Variants in SUZ12 observed in about 807,000 individuals in gnomAD.
SUZ12 encodes SUZ12 polycomb repressive complex 2 subunit, also known as polycomb protein SUZ12.
Under a neutral mutation model 87.3 loss-of-function variants are expected in SUZ12, and 17 were observed. The ratio of observed to expected loss-of-function variants is 0.19; its 90% CI spans 0.13 to 0.29. The LOEUF is 0.29. Ranked by LOEUF, SUZ12 falls within the 10% of genes least tolerant of loss-of-function variation. The pLI is 1.00. For missense variants in SUZ12, 526 were observed against 912.2 expected (o/e 0.58, Z 5.45); for synonymous variants, 253 against 312.4 (o/e 0.81, Z 2.01).
chr17:31,972,542 G>A (rs985990080), intron 5 of SUZ12, among the ~76,000 whole-genome samples: 1 of 151,976 alleles, frequency 6.6e-6, no homozygotes, highest in African/African-American at 2.4e-5. Context: ...CTCTGAGGTA[G>A]CTAGGACTAC....
rs929043124 is a variant in SUZ12 at position 31,937,229 on chromosome 17, G to A, written c.-18G>A. 4.1e-5 allele frequency: 57 copies of A among 1,400,828 alleles called. No individual in the cohort carries two copies. The highest frequency in any genetic ancestry group is 2.6e-4 in the Middle Eastern group (1 of 3,906). The allele number at this position is 1,400,828 out of a possible 1,614,324, so 86.8% of individuals were successfully genotyped here. A position where few individuals can be genotyped will look rare whatever the true frequency, so the allele number is the denominator to read the frequency against. On this transcript the variant is annotated 5_prime_UTR_variant, in exon 1 of 16. Transcript: ENST00000322652. ...CCGCCCGGCGGGTAGCTGGCGGGGG[G>A]AGGAGGCAGGAACCGCGATGGCGCC...
At chr17:31,942,707 A>G (rs1906379660) in intron 3 of SUZ12, among the ~76,000 whole-genome samples, 1 of 152,194 alleles carries the variant, frequency 6.6e-6, no homozygotes, top group South Asian at 2.1e-4. Context: ...AAAACAATGA[A>G]GTCTTAAATC....
At position 31,983,124 on chromosome 17, in the gene SUZ12, T is replaced by C. The variant is rs759333684; in HGVS notation, c.1023+20T>C. 6.2e-6 allele frequency: 10 copies of C among 1,608,216 alleles called. No individual in the cohort carries two copies. Among genetic ancestry groups the C allele is most frequent in the Middle Eastern group, 1.7e-4 (1 of 6,054 alleles). On this transcript the variant is annotated intron_variant, in intron 9 of 15. Transcript: ENST00000322652. Reference sequence around the variant, plus strand: ...GGGAAGGTATGGACTACTTAGAAGGTTGAGCACGTTATAGTTATGAACTCC... The same window carrying C: ...GGGAAGGTATGGACTACTTAGAAGGCTGAGCACGTTATAGTTATGAACTCC...
chr17:31,995,022 G>A (rs546940447), intron 13 of SUZ12, among the ~76,000 whole-genome samples: 31 of 152,294 alleles, frequency 2.0e-4, no homozygotes, highest in African/African-American at 7.5e-4. Flanking sequence ...GTTGAACCTG[G>A]GAGGTCGAGG....
chr17:31,962,965 C>G (rs758639573), intron 4 of SUZ12, among the ~76,000 whole-genome samples: 4 of 152,332 alleles, frequency 2.6e-5, no homozygotes, highest in Admixed American at 2.6e-4. Context: ...ATTCCTCTTT[C>G]ACTTATGTTT....
chr17:31,994,711 C>T lies in SUZ12; in HGVS notation c.1585C>T (p.Leu529Phe). The T allele has an allele frequency of 1.2e-6, 2 of 1,613,416 alleles. No homozygotes were observed. The highest frequency in any genetic ancestry group is 1.7e-6 in the Non-Finnish European group (2 of 1,179,796). ...PVKRTPITHI[L>F]VCRPKRTKAS... ...TAAGAGAACACCTATCACACATATT[C>T]TTGTGTGCAGGTAGGTAAAAAGGGC... is the stretch of plus-strand genomic sequence containing the variant. Residue 529 changes from leucine (L) to phenylalanine (F), a missense_variant, in exon 13 of 16, where the codon CTT becomes TTT. This residue lies in a region of SUZ12 where 143 missense variants were observed against 321.6 expected (regional missense o/e 0.44). Transcript: ENST00000322652.
chr17:31,990,663 C>T (rs1909674931), intron 10 of SUZ12, among the ~76,000 whole-genome samples: 1 of 152,186 alleles, frequency 6.6e-6, no homozygotes, highest in South Asian at 2.1e-4. Context: ...TCGCGCCCAG[C>T]CAGTTTTTAA....
chr17:31,956,809 C>A (rs1191293046), intron 4 of SUZ12, among the ~76,000 whole-genome samples: 1 of 151,652 alleles, frequency 6.6e-6, no homozygotes, highest in East Asian at 1.9e-4. Flanking sequence ...TTTTTTGAGA[C>A]AGTCTCATTC....
intron 8 of SUZ12, among the ~76,000 whole-genome samples, chr17:31,977,574 A>AG (rs1483970719): frequency 6.6e-6 from 1 of 151,710 alleles, no homozygotes; most frequent in East Asian, 2.0e-4. Context: ...CACCATGCCT[A>AG]GGCGAGACCC....
At position 31,973,530 on chromosome 17, in the gene SUZ12, C is replaced by T. The variant is rs984263573; in HGVS notation, c.591+299C>T. Reference sequence around the variant, plus strand: ...CTGTTCTACCATTTCAATCTGTTAGCGTATTTCTTAGCTGTTTGTACCCAT... The same window carrying T: ...CTGTTCTACCATTTCAATCTGTTAGTGTATTTCTTAGCTGTTTGTACCCAT... On this transcript the variant is annotated intron_variant, in intron 6 of 15. Transcript: ENST00000322652. 1.6e-4 allele frequency among the ~76,000 whole-genome samples: 24 copies of T among 152,266 alleles called. 1 individual carries two copies. The highest frequency in any genetic ancestry group is 1.0e-3 in the Admixed American group (16 of 15,280).
chr17:31,963,420 A>G (rs139977909), intron 4 of SUZ12, among the ~76,000 whole-genome samples: 57 of 151,052 alleles, frequency 3.8e-4, no homozygotes, highest in African/African-American at 1.1e-3. Flanking sequence ...TCATCTCCCA[A>G]AGTGCTAGGA....
intron 4 of SUZ12, among the ~76,000 whole-genome samples, chr17:31,949,587 T>A (rs1189078465): frequency 7.8e-6 from 1 of 128,288 alleles, no homozygotes; most frequent in Non-Finnish European, 1.6e-5. Context: ...AACTGCCACC[T>A]CCTGGATTCA....
chr17:31,942,438 G>A (rs570409588), intron 3 of SUZ12, among the ~76,000 whole-genome samples: 7 of 151,974 alleles, frequency 4.6e-5, no homozygotes, highest in African/African-American at 1.7e-4. Flanking sequence ...CGGGTTCAAG[G>A]GATTATCCTG....
chr17:31,955,879 G>C (rs867426623), intron 4 of SUZ12, among the ~76,000 whole-genome samples: 20 of 151,870 alleles, frequency 1.3e-4, no homozygotes, highest in African/African-American at 4.8e-4. Context: ...ATTACACCCA[G>C]CCTGTTGTTT....
intron 3 of SUZ12, among the ~76,000 whole-genome samples, chr17:31,942,719 T>C (rs1354554445): frequency 6.6e-6 from 1 of 152,184 alleles, no homozygotes; most frequent in Non-Finnish European, 1.5e-5. Context: ...TCTTAAATCA[T>C]TAGATTTTAA....
chr17:31,979,190 C>T (rs900300578), intron 8 of SUZ12, among the ~76,000 whole-genome samples: 1 of 150,250 alleles, frequency 6.7e-6, no homozygotes, highest in Non-Finnish European at 1.5e-5. Context: ...TACCCTTCAT[C>T]TAGATTGTAT....
At chr17:31,990,791 T>G (rs1008560980) in intron 10 of SUZ12, among the ~76,000 whole-genome samples, 3 of 152,054 alleles carry the variant, frequency 2.0e-5, no homozygotes, top group African/African-American at 7.2e-5. Context: ...TCTCTCACCC[T>G]GGCTGGAGTG....
At chr17:31,964,439 C>A (rs2142159251) in intron 4 of SUZ12, among the ~76,000 whole-genome samples, 1 of 151,278 alleles carries the variant, frequency 6.6e-6, no homozygotes, top group African/African-American at 2.4e-5. Flanking sequence ...CTGAGTCTCC[C>A]CCTGTCACCC....
intron 5 of SUZ12, among the ~76,000 whole-genome samples, chr17:31,967,792 G>A (rs1438460537): frequency 3.3e-5 from 5 of 152,264 alleles, no homozygotes; most frequent in Admixed American, 3.3e-4. Context: ...CGTAAGCTCA[G>A]GAATTCAAGG....
Sources: gnomAD v4.1 joint callset for allele counts (sites outside exome capture counted in the v4.1 genomes callset) on GRCh38, gnomAD v4.1.1 for gene constraint, gnomAD v4.1.1 regional missense constraint, MANE v1.5 for transcripts, NCBI Gene and HGNC (gene_info 2026-07-23, HGNC 2026-07-21) for gene names.